LRP1B: variants seen among roughly 807,000 people sequenced by gnomAD.
The protein encoded by LRP1B is low-density lipoprotein receptor-related protein 1B.
In LRP1B, 217 loss-of-function variants were observed where a neutral mutation model predicts 556.6. The ratio of observed to expected loss-of-function variants is 0.39; its 90% CI spans 0.35 to 0.44. LRP1B has a LOEUF of 0.44. Ranked by LOEUF, LRP1B falls within the 20% of genes least tolerant of loss-of-function variation. The pLI, the probability that LRP1B is intolerant of heterozygous loss-of-function variation, is 1.00. For synonymous variants in LRP1B, 2,047 were observed against 1,865.8 expected (o/e 1.10, Z -2.50); for missense variants, 5,053 against 5,620.8 (o/e 0.90, Z 3.23).
intron 2 of LRP1B, among the ~76,000 whole-genome samples, chr2:141,625,386 T>C (rs143699603): frequency 1.2e-4 from 19 of 152,338 alleles, no homozygotes; most frequent in African/African-American, 4.3e-4. Flanking sequence ...GAATCATATA[T>C]CCATTCTAAT....
At chr2:141,213,055 AT>A (rs1203464290) in intron 6 of LRP1B, among the ~76,000 whole-genome samples, 1 of 151,466 alleles carries the variant, frequency 6.6e-6, no homozygotes, top group Non-Finnish European at 1.5e-5. Context: ...CAGCCTCAAC[AT>A]CCCTGGCTCT....
intron 1 of LRP1B, among the ~76,000 whole-genome samples, chr2:142,070,876 T>C (rs1273841569): frequency 1.3e-5 from 2 of 151,972 alleles, no homozygotes; most frequent in East Asian, 3.9e-4. Context: ...TGCTTTCATA[T>C]ATGATATCTG....
chr2:141,304,666 A>T (rs910389007), intron 3 of LRP1B, among the ~76,000 whole-genome samples: 31 of 150,420 alleles, frequency 2.1e-4, no homozygotes, highest in African/African-American at 6.8e-4. Flanking sequence ...CTATATATAT[A>T]TATTTTTTAT....
At chr2:140,612,110 C>T (rs16844349) in intron 41 of LRP1B, among the ~76,000 whole-genome samples, 6,456 of 152,060 alleles carry the variant, frequency 0.042, 197 homozygotes, top group Middle Eastern at 0.11. Flanking sequence ...GTGCCCAGCC[C>T]TGTAAAAAGA....
chr2:141,736,136 C>G (rs1693459027), intron 2 of LRP1B, among the ~76,000 whole-genome samples: 1 of 152,028 alleles, frequency 6.6e-6, no homozygotes, highest in Non-Finnish European at 1.5e-5. Context: ...AAACGGCAGA[C>G]CCTTGGAAAC....
At chr2:141,269,823 T>G (rs1299985884) in intron 3 of LRP1B, among the ~76,000 whole-genome samples, 1 of 152,174 alleles carries the variant, frequency 6.6e-6, no homozygotes, top group African/African-American at 2.4e-5. Context: ...AAGCCCCAGA[T>G]GTTGAAATTA....
At chr2:141,305,187 T>G (rs1462420883) in intron 3 of LRP1B, among the ~76,000 whole-genome samples, 1 of 152,220 alleles carries the variant, frequency 6.6e-6, no homozygotes, top group Non-Finnish European at 1.5e-5. Context: ...AATGGTCATT[T>G]TAAAAATATT....
In LRP1B at chr2:141,715,496, C is replaced by T. The variant is rs957026101; in HGVS notation, c.205+94783G>A. On this transcript the variant is annotated intron_variant, in intron 2 of 90. Transcript: ENST00000389484. ...AAAATAAATATATTAATAAAGTTAG[C>T]AATTTCTGTGGTTTCTTCATTTATA... Among the ~76,000 whole-genome samples the T allele has an allele frequency of 5.3e-5, 8 of 152,006 alleles. No individual in the cohort carries two copies. The East Asian group carries it at 1.6e-3, about 30-fold the overall frequency.
At chr2:140,769,468 CT>C in intron 34 of LRP1B, 124 bp from the exon 35 acceptor site, 3 of 1,035,552 alleles carry the variant, frequency 2.9e-6, no homozygotes, top group Non-Finnish European at 4.0e-6. Context: ...ATTTCCTGGC[CT>C]TTTAAAAAAA....
intron 3 of LRP1B, among the ~76,000 whole-genome samples, chr2:141,389,814 G>A (rs868116346): frequency 3.3e-5 from 5 of 152,096 alleles, no homozygotes; most frequent in African/African-American, 1.2e-4. Flanking sequence ...TTAAAAAGTG[G>A]GCAAACAACA....
intron 2 of LRP1B, among the ~76,000 whole-genome samples, chr2:141,604,240 G>A (rs73965725): frequency 0.025 from 3,730 of 152,192 alleles, 149 homozygotes; most frequent in African/African-American, 0.085. Flanking sequence ...TATACAAAAT[G>A]GTTGGTCAGA....
At chr2:141,086,786 C>T (rs1700057889) in intron 7 of LRP1B, among the ~76,000 whole-genome samples, 1 of 152,092 alleles carries the variant, frequency 6.6e-6, no homozygotes, top group Admixed American at 6.6e-5. Flanking sequence ...TGATTCAATC[C>T]ATCTCTTCAT....
chr2:140,724,476 C>A (rs1193343161), intron 35 of LRP1B, among the ~76,000 whole-genome samples: 1 of 152,120 alleles, frequency 6.6e-6, no homozygotes, highest in Admixed American at 6.6e-5. Context: ...ATCTATTAAA[C>A]CCTATTCCAT....
At chr2:141,955,746 T>C (rs1004297127) in intron 1 of LRP1B, among the ~76,000 whole-genome samples, 6 of 152,086 alleles carry the variant, frequency 3.9e-5, no homozygotes, top group Non-Finnish European at 5.9e-5. Context: ...GCCCGACCTC[T>C]TTACAGCTAC....
intron 2 of LRP1B, among the ~76,000 whole-genome samples, chr2:141,759,901 C>A (rs529623968): frequency 6.6e-6 from 1 of 152,006 alleles, no homozygotes; most frequent in Non-Finnish European, 1.5e-5. Context: ...TAGGCCGAGG[C>A]GGGTAGATCA....
At chr2:140,921,809 A>G (rs532281690) in intron 21 of LRP1B, among the ~76,000 whole-genome samples, 1 of 152,128 alleles carries the variant, frequency 6.6e-6, no homozygotes, top group Non-Finnish European at 1.5e-5. Context: ...TGGAATATTT[A>G]ACTGTAACCA....
intron 82 of LRP1B, among the ~76,000 whole-genome samples, chr2:140,318,242 A>T (rs1219793287): frequency 1.3e-5 from 2 of 152,194 alleles, no homozygotes; most frequent in Non-Finnish European, 2.9e-5. Context: ...TGTTCCAACT[A>T]AAATGGTCCA....
At chr2:141,666,013 C>A (rs552921353) in intron 2 of LRP1B, among the ~76,000 whole-genome samples, 25 of 152,236 alleles carry the variant, frequency 1.6e-4, no homozygotes, top group African/African-American at 6.0e-4. Flanking sequence ...ATAGCTAATG[C>A]ATGCTGGGCT....
At chr2:141,080,140 G>A (rs1699888850) in intron 7 of LRP1B, among the ~76,000 whole-genome samples, 1 of 152,142 alleles carries the variant, frequency 6.6e-6, no homozygotes, top group Non-Finnish European at 1.5e-5. Context: ...CAAATAGATT[G>A]GGCACATAGA....
Sources: allele counts gnomAD v4.1 joint callset (sites outside exome capture counted in the v4.1 genomes callset), GRCh38; gene constraint gnomAD v4.1.1; transcripts MANE v1.5; gene names NCBI Gene and HGNC (gene_info 2026-07-23, HGNC 2026-07-21).